Variants in PDE4D observed in about 807,000 individuals in gnomAD.
PDE4D encodes 3',5'-cyclic-AMP phosphodiesterase 4D.
Under a neutral mutation model 87.4 loss-of-function variants are expected in PDE4D, and 24 were observed. The observed-to-expected ratio is 0.27, with a 90% CI of 0.20 to 0.39. The LOEUF (loss-of-function observed/expected upper bound fraction) is 0.39, where lower values mean the gene tolerates loss of function less well. Among genes scored for constraint, PDE4D ranks in the 10% least tolerant of loss-of-function variants. The pLI, the probability that PDE4D is intolerant of heterozygous loss-of-function variation, is 1.00. For synonymous variants in PDE4D, 384 were observed against 383.2 expected (o/e 1.00, Z -0.02); for missense variants, 714 against 1,041.0 (o/e 0.69, Z 4.32).
intron 5 of PDE4D, among the ~76,000 whole-genome samples, chr5:59,117,575 T>G (rs1334856056): frequency 2.0e-5 from 3 of 152,198 alleles, no homozygotes; most frequent in Non-Finnish European, 4.4e-5. Context: ...CTAAGCTGGC[T>G]CTCAACTCTC....
At chr5:60,387,513 CAG>C (rs1762271230) in intron 1 of PDE4D, among the ~76,000 whole-genome samples, 1 of 152,210 alleles carries the variant, frequency 6.6e-6, no homozygotes. Context: ...TGAAGGATAA[CAG>C]AGGGTAAAAT....
chr5:60,366,039 G>A (rs1760512154), intron 1 of PDE4D, among the ~76,000 whole-genome samples: 1 of 129,744 alleles, frequency 7.7e-6, no homozygotes, highest in Admixed American at 8.2e-5. Flanking sequence ...GTAAGACTCT[G>A]TCTCAAAAAA....
chr5:60,051,275 G>T (rs1389620481), intron 2 of PDE4D, among the ~76,000 whole-genome samples: 2 of 152,042 alleles, frequency 1.3e-5, no homozygotes, highest in Non-Finnish European at 2.9e-5. Context: ...TTCTAAAATT[G>T]ACCACATAAT....
At chr5:60,066,005 A>G (rs369560621) in intron 2 of PDE4D, among the ~76,000 whole-genome samples, 40 of 152,314 alleles carry the variant, frequency 2.6e-4, no homozygotes, top group Middle Eastern at 3.4e-3. Context: ...CTGAGGAATC[A>G]CCACACTGAC....
intron 1 of PDE4D, among the ~76,000 whole-genome samples, chr5:59,504,276 G>A (rs1391306447): frequency 6.6e-6 from 1 of 152,082 alleles, no homozygotes; most frequent in Non-Finnish European, 1.5e-5. Context: ...GTTGAACAAA[G>A]TATCTGTTAT....
chr5:59,970,856 G>C (rs1159525523), intron 3 of PDE4D, among the ~76,000 whole-genome samples: 1 of 146,988 alleles, frequency 6.8e-6, no homozygotes, highest in Non-Finnish European at 1.5e-5. Context: ...CCCATTACTG[G>C]GTATATACCC....
intron 5 of PDE4D, among the ~76,000 whole-genome samples, chr5:59,177,162 G>C (rs1784035090): frequency 6.6e-6 from 1 of 152,152 alleles, no homozygotes; most frequent in African/African-American, 2.4e-5. Context: ...TAGGTCGTGA[G>C]GGTGGAGCAC....
At chr5:58,986,941 G>A (rs1746569386) in intron 11 of PDE4D, among the ~76,000 whole-genome samples, 1 of 133,052 alleles carries the variant, frequency 7.5e-6, no homozygotes, top group Non-Finnish European at 1.6e-5. Context: ...ATACCAGTTT[G>A]AATGTTTGGT....
At chr5:59,322,024 T>C (rs1227885760) in intron 1 of PDE4D, among the ~76,000 whole-genome samples, 1 of 152,138 alleles carries the variant, frequency 6.6e-6, no homozygotes, top group Non-Finnish European at 1.5e-5. Context: ...GATTTAGGGA[T>C]AACATAATCT....
chr5:59,778,257 A>G (rs978413164), intron 1 of PDE4D, among the ~76,000 whole-genome samples: 1 of 152,200 alleles, frequency 6.6e-6, no homozygotes, highest in African/African-American at 2.4e-5. Context: ...CTATTGACCT[A>G]TTATCTAAAG....
chr5:59,208,001 T>TA (rs200620615), intron 2 of PDE4D, among the ~76,000 whole-genome samples: 18,253 of 143,660 alleles, frequency 0.13, 1,668 homozygotes, highest in African/African-American at 0.26. Context: ...CTACTAAAAG[T>TA]AAAAAAAAAA....
chr5:59,125,318 A>G (rs1170216820), intron 5 of PDE4D: 1 of 967,962 alleles, frequency 1.0e-6, no homozygotes, highest in Non-Finnish European at 1.2e-6. Context: ...GGTCCACGAA[A>G]GAAATTAACA....
intron 1 of PDE4D, among the ~76,000 whole-genome samples, chr5:59,332,886 T>C (rs1201691709): frequency 1.3e-5 from 2 of 152,290 alleles, no homozygotes; most frequent in African/African-American, 4.8e-5. Flanking sequence ...GGACGTGCAG[T>C]AGCCATTTGC....
chr5:59,102,489 C>T (rs530979891), intron 5 of PDE4D, among the ~76,000 whole-genome samples: 2 of 152,224 alleles, frequency 1.3e-5, no homozygotes, highest in South Asian at 4.1e-4. Flanking sequence ...AATCAAATAC[C>T]TTTAAAAATA....
intron 1 of PDE4D, among the ~76,000 whole-genome samples, chr5:60,351,898 T>A (rs1276449324): frequency 6.6e-6 from 1 of 151,220 alleles, no homozygotes; most frequent in African/African-American, 2.4e-5. Context: ...CTTGAACTCT[T>A]GGGGTCAAGC....
chr5:59,380,479 A>G (rs1785580232), intron 1 of PDE4D, among the ~76,000 whole-genome samples: 1 of 152,038 alleles, frequency 6.6e-6, no homozygotes, highest in Admixed American at 6.6e-5. Context: ...AGCAACATGA[A>G]GGTGGTCAAC....
chr5:59,908,754 A>C (rs1042240952), intron 3 of PDE4D, among the ~76,000 whole-genome samples: 5 of 152,200 alleles, frequency 3.3e-5, no homozygotes, highest in Non-Finnish European at 5.9e-5. Flanking sequence ...GAAGATTTAG[A>C]TAATTGAGAA....
intron 5 of PDE4D, among the ~76,000 whole-genome samples, chr5:59,165,941 G>C (rs1781861207): frequency 6.6e-6 from 1 of 152,052 alleles, no homozygotes; most frequent in African/African-American, 2.4e-5. Flanking sequence ...CCTGCCATGA[G>C]ACTTTCCCCT....
At chr5:59,801,572 G>A (rs1005029001) in intron 1 of PDE4D, among the ~76,000 whole-genome samples, 22 of 152,118 alleles carry the variant, frequency 1.4e-4, no homozygotes, top group African/African-American at 4.8e-4. Flanking sequence ...ATCTTCATAT[G>A]ACTGAAATCA....
Sources: gnomAD v4.1 joint callset for allele counts (sites outside exome capture counted in the v4.1 genomes callset) on GRCh38, gnomAD v4.1.1 for gene constraint, MANE v1.5 for transcripts, NCBI Gene and HGNC (gene_info 2026-07-23, HGNC 2026-07-21) for gene names.